RNGTT: variants seen among roughly 807,000 people sequenced by gnomAD.
The protein encoded by RNGTT is mRNA-capping enzyme.
In RNGTT, 33 loss-of-function variants were observed where a neutral mutation model predicts 79.3. The observed-to-expected ratio is 0.42, with a 90% confidence interval of 0.32 to 0.56. The LOEUF is 0.56. Among genes scored for constraint, RNGTT ranks in the 20% least tolerant of loss-of-function variants. The pLI, the probability that RNGTT is intolerant of heterozygous loss-of-function variation, is 0.17. For missense variants in RNGTT, 497 were observed against 739.1 expected, an observed-to-expected ratio of 0.67 and a Z score of 3.80; for synonymous variants, 222 against 235.9, an observed-to-expected ratio of 0.94 and a Z score of 0.54.
At chr6:88,764,260 T>C (rs2127838462) in intron 13 of RNGTT, among the ~76,000 whole-genome samples, 1 of 152,360 alleles carries the variant, frequency 6.6e-6, no homozygotes, top group East Asian at 1.9e-4. Flanking sequence ...AAATTCATTC[T>C]GTTAAAATAT....
chr6:88,703,668 T>C (rs1236295677), intron 13 of RNGTT, among the ~76,000 whole-genome samples: 1 of 152,182 alleles, frequency 6.6e-6, no homozygotes, highest in Non-Finnish European at 1.5e-5. Flanking sequence ...CCTACACATG[T>C]ACATCCTGAA....
At chr6:88,619,201 T>A (rs1393634060) in intron 14 of RNGTT, among the ~76,000 whole-genome samples, 3 of 152,028 alleles carry the variant, frequency 2.0e-5, no homozygotes, top group Admixed American at 2.0e-4. Context: ...AGTCTCAGTC[T>A]GTCACCCAGG....
chr6:88,718,530 G>T (rs919909330), intron 13 of RNGTT, among the ~76,000 whole-genome samples: 1 of 152,040 alleles, frequency 6.6e-6, no homozygotes, highest in African/African-American at 2.4e-5. Context: ...AGTGTCTACT[G>T]ATCTTTTAAT....
intron 11 of RNGTT, among the ~76,000 whole-genome samples, chr6:88,819,972 T>C (rs1780446667): frequency 6.6e-6 from 1 of 152,062 alleles, no homozygotes; most frequent in Non-Finnish European, 1.5e-5. Flanking sequence ...CACACATGCC[T>C]CTCTGGAACT....
At chr6:88,800,540 G>A (rs1180638806) in intron 12 of RNGTT, among the ~76,000 whole-genome samples, 1 of 152,164 alleles carries the variant, frequency 6.6e-6, no homozygotes, top group Non-Finnish European at 1.5e-5. Context: ...AAGAAAAAAA[G>A]CAGCATATGA....
intron 4 of RNGTT, among the ~76,000 whole-genome samples, chr6:88,910,347 G>T (rs149360745): frequency 6.6e-6 from 1 of 152,004 alleles, no homozygotes; most frequent in Non-Finnish European, 1.5e-5. Context: ...TTAACAACCG[G>T]CCTTATAAGA....
intron 8 of RNGTT, among the ~76,000 whole-genome samples, chr6:88,855,752 T>G (rs980063420): frequency 6.6e-6 from 1 of 152,114 alleles, no homozygotes; most frequent in Non-Finnish European, 1.5e-5. Context: ...CTAGACCAAA[T>G]GCCAGGCCAG....
At chr6:88,881,194 C>CA (rs943779016) in intron 8 of RNGTT, among the ~76,000 whole-genome samples, 10 of 152,008 alleles carry the variant, frequency 6.6e-5, no homozygotes, top group Non-Finnish European at 1.5e-5. Flanking sequence ...CAGCTTTCAA[C>CA]AAAATTGAAG....
intron 11 of RNGTT, among the ~76,000 whole-genome samples, chr6:88,840,141 G>T (rs1456281154): frequency 3.9e-5 from 6 of 152,038 alleles, no homozygotes; most frequent in African/African-American, 1.4e-4. Flanking sequence ...TGTAAGGTTC[G>T]TAATATCACT....
chr6:88,640,192 A>C (rs1416203973), intron 14 of RNGTT, among the ~76,000 whole-genome samples: 1 of 152,176 alleles, frequency 6.6e-6, no homozygotes. Context: ...AAGATGCTTA[A>C]TGAATGTCAG....
At chr6:88,829,488 T>C (rs1217049176) in intron 11 of RNGTT, among the ~76,000 whole-genome samples, 1 of 152,044 alleles carries the variant, frequency 6.6e-6, no homozygotes, top group Non-Finnish European at 1.5e-5. Flanking sequence ...AATAACCAGC[T>C]AGCATCATAA....
chr6:88,959,584 C>T (rs1785546999), intron 1 of RNGTT, among the ~76,000 whole-genome samples: 1 of 152,146 alleles, frequency 6.6e-6, no homozygotes, highest in African/African-American at 2.4e-5. Context: ...AATTAGCCTT[C>T]TACTCTTCAT....
intron 4 of RNGTT, among the ~76,000 whole-genome samples, chr6:88,923,206 T>C (rs2127951073): frequency 1.4e-5 from 2 of 147,518 alleles, no homozygotes; most frequent in South Asian, 4.2e-4. Context: ...TTATAAAGTT[T>C]TCCATTTTGT....
chr6:88,905,446 A>C (rs1460609264), intron 5 of RNGTT, among the ~76,000 whole-genome samples: 1 of 152,270 alleles, frequency 6.6e-6, no homozygotes, highest in African/African-American at 2.4e-5. Context: ...TAGAAAGTAC[A>C]TGCAGTACAG....
At chr6:88,710,964 C>T (rs1471144294) in intron 13 of RNGTT, among the ~76,000 whole-genome samples, 1 of 152,072 alleles carries the variant, frequency 6.6e-6, no homozygotes, top group Non-Finnish European at 1.5e-5. Context: ...CTTTCCAATT[C>T]ACAATATGTT....
At chr6:88,956,575 A>G (rs192889265) in intron 1 of RNGTT, among the ~76,000 whole-genome samples, 1 of 152,270 alleles carries the variant, frequency 6.6e-6, no homozygotes. Flanking sequence ...AAAACCAGGA[A>G]ACAATATAAC....
intron 13 of RNGTT, among the ~76,000 whole-genome samples, chr6:88,712,404 C>T (rs1776349246): frequency 6.6e-6 from 1 of 152,156 alleles, no homozygotes; most frequent in African/African-American, 2.4e-5. Context: ...TTCCTGGACT[C>T]CAGCGATCCT....
At chr6:88,927,259 A>G (rs1426292095) in intron 4 of RNGTT, among the ~76,000 whole-genome samples, 1 of 152,210 alleles carries the variant, frequency 6.6e-6, no homozygotes, top group East Asian at 1.9e-4. Context: ...ATGGTGGTTC[A>G]CGCCTGTAAT....
chr6:88,891,843 C>T lies in RNGTT; in HGVS notation c.757G>A (p.Val253Ile), dbSNP rs187239458. The change falls in exon 7 of 16, where the codon GTA becomes ATA. Residue 253 changes from valine to isoleucine, a missense_variant. By Grantham distance (29) the Val-to-Ile change is conservative. Around this residue, in one of 3 missense-constraint regions of RNGTT, gnomAD observed 440 missense variants for 671.5 expected, o/e 0.66. Transcript: ENST00000369485. The part of the protein sequence containing the change: ...QVTTQPKLGE[V>I]QQKCHQFCGW... ...CAGAATTGATGACACTTCTGCTGTA[C>T]CTCTCCTAACTTTGGTTGTGTTGTT... The T allele has an allele frequency of 3.1e-6, 5 of 1,602,184 alleles. No homozygotes were observed. The highest frequency in any genetic ancestry group is 4.3e-6 in the Non-Finnish European group (5 of 1,174,428).
Sources: gnomAD v4.1 joint callset for allele counts (sites outside exome capture counted in the v4.1 genomes callset) on GRCh38, gnomAD v4.1.1 for gene constraint, gnomAD v4.1.1 regional missense constraint, MANE v1.5 for transcripts, NCBI Gene and HGNC (gene_info 2026-07-23, HGNC 2026-07-21) for gene names.